Variants in GLP1R observed in about 807,000 individuals in gnomAD.
GLP1R encodes the protein glucagon like peptide 1 receptor, also known as glucagon-like peptide 1 receptor.
GLP1R carries 32 observed loss-of-function variants against 68.4 expected under a neutral mutation model. The observed-to-expected ratio is 0.47, with a 90% confidence interval of 0.35 to 0.63. GLP1R has a LOEUF of 0.63. Ranked by LOEUF, GLP1R falls within the 20% of genes least tolerant of loss-of-function variation. The pLI, the probability that GLP1R is intolerant of heterozygous loss-of-function variation, is 0.00. For missense variants in GLP1R, 502 were observed against 594.9 expected, an observed-to-expected ratio of 0.84 and a Z score of 1.62; for synonymous variants, 263 against 244.4, an observed-to-expected ratio of 1.08 and a Z score of -0.71.
At chr6:39,050,437 C>A (rs142803661) in intron 1 of GLP1R, among the ~76,000 whole-genome samples, 1 of 152,156 alleles carries the variant, frequency 6.6e-6, no homozygotes, top group African/African-American at 2.4e-5. Context: ...TTCCCAGAGG[C>A]CTTATTCCCA....
Position 39,066,225 on chromosome 6 carries a change from T to G in GLP1R, c.431T>G (p.Leu144Arg). ...TCCCCGGAGGAGCAGCTCCTGTTCC[T>G]CTACATCATCTACACGGTGGGCTAC... ...RSSPEEQLLFLYIIYTVGYAL... is the reference protein window; with the variant it reads ...RSSPEEQLLFRYIIYTVGYAL... Residue 144 changes from leucine to arginine, a missense_variant, in exon 5 of 13, where the codon CTC becomes CGC. Leu to Arg is a moderately radical substitution (Grantham distance 102). Coordinates refer to ENST00000373256, the MANE Select transcript of GLP1R (RefSeq NM_002062.5). 1 of 1,610,964 alleles carries G rather than the reference T, an allele frequency of 6.2e-7. No homozygotes were observed. Among genetic ancestry groups the G allele is most frequent in the Non-Finnish European group, 8.5e-7 (1 of 1,177,638 alleles).
At position 39,081,875 on chromosome 6, in the gene GLP1R, G is replaced by C. The variant is rs10305503; in HGVS notation, c.1224+1136G>C. Among the ~76,000 whole-genome samples, 488 of 152,270 alleles carry C rather than the reference G, an allele frequency of 3.2e-3. 3 individuals carry two copies. The highest frequency in any genetic ancestry group is 0.011 in the African/African-American group (457 of 41,544). Reference sequence around the variant, plus strand: ...TTACAAAGTGGGGATAATCCTGTGAGGATTAAGAAAGTCTGAAAAAGGTGC... The same window carrying C: ...TTACAAAGTGGGGATAATCCTGTGACGATTAAGAAAGTCTGAAAAAGGTGC... On this transcript the variant is annotated intron_variant, in intron 12 of 12. Coordinates refer to ENST00000373256, the MANE Select transcript of GLP1R (RefSeq NM_002062.5).
Position 39,066,283 on chromosome 6 carries a change from T to C in GLP1R, c.489T>C (p.Ser163=). The C allele has an allele frequency of 6.2e-7, 1 of 1,607,596 alleles. No individual in the cohort carries two copies. The highest frequency in any genetic ancestry group is 8.5e-7 in the Non-Finnish European group (1 of 1,174,084). ...ALSFSALVIA[S]AILLGFRHLH... is the part of the protein sequence containing the mutation. ...CCTTCTCTGCTCTGGTTATCGCCTC[T>C]GCGATCCTCCTCGGCTTCAGGTAAG... The change falls in exon 5 of 13, where the codon TCT becomes TCC. Residue 163 remains serine (S), a synonymous_variant. Transcript: ENST00000373256.
At chr6:39,069,217 G>A (rs1290683021) in intron 5 of GLP1R, among the ~76,000 whole-genome samples, 3 of 152,152 alleles carry the variant, frequency 2.0e-5, no homozygotes, top group Non-Finnish European at 4.4e-5. Flanking sequence ...CAAAAAGATG[G>A]CATTTCCTCT....
chr6:39,048,905 G>A lies in GLP1R; in HGVS notation c.65G>A (p.Gly22Asp), dbSNP rs762655612. 4 of 1,409,044 alleles carry A rather than the reference G, an allele frequency of 2.8e-6. No individual in the cohort carries two copies. The highest frequency in any genetic ancestry group is 3.0e-5 in the African/African-American group (2 of 66,444). The allele number at this position is 1,409,044 out of a possible 1,614,324, so 87.3% of individuals were successfully genotyped here. A position where few individuals can be genotyped will look rare whatever the true frequency, so the allele number is the denominator to read the frequency against. The change falls in exon 1 of 13, where the codon GGC becomes GAC. Residue 22 changes from glycine to aspartate, a missense_variant. By Grantham distance (94) the Gly-to-Asp change is moderately conservative. Coordinates refer to ENST00000373256, the MANE Select transcript of GLP1R (RefSeq NM_002062.5). ...LLLLGMVGRA[G>D]PRPQGATVSL... ...CTGCTCGGGATGGTGGGCAGGGCCG[G>A]CCCCCGCCCCCAGGTGAGATCCAGG...
At chr6:39,060,947 G>A (rs2150824518) in intron 3 of GLP1R, among the ~76,000 whole-genome samples, 1 of 152,330 alleles carries the variant, frequency 6.6e-6, no homozygotes, top group African/African-American at 2.4e-5. Context: ...GGAGGCCAGA[G>A]CCACCCCTTC....
chr6:39,053,108 GC>G (rs1768124777), intron 1 of GLP1R, among the ~76,000 whole-genome samples: 1 of 152,158 alleles, frequency 6.6e-6, no homozygotes, highest in Non-Finnish European at 1.5e-5. Flanking sequence ...CTGCCATCCT[GC>G]CCTTCCCATG....
Position 39,068,679 on chromosome 6 carries a change from G to T in GLP1R, c.509+2376G>T, listed in dbSNP as rs13216992. On this transcript the variant is annotated intron_variant, in intron 5 of 12. Coordinates refer to ENST00000373256, the MANE Select transcript of GLP1R (RefSeq NM_002062.5). ...CAGAGGGACGGCCTGAGTTATACCTGGGCCCACTTGAGCCGCAGCTAGGGT... is the reference window on the plus strand; with the variant it reads ...CAGAGGGACGGCCTGAGTTATACCTTGGCCCACTTGAGCCGCAGCTAGGGT... 7.7e-3 allele frequency among the ~76,000 whole-genome samples: 1,170 copies of T among 152,224 alleles called. 21 individuals carry two copies. Among genetic ancestry groups the T allele is most frequent in the African/African-American group, 0.026 (1,099 of 41,534 alleles).
chr6:39,056,371 G>C, intron 1 of GLP1R, 26 bp from the exon 2 acceptor site: 2 of 1,239,074 alleles, frequency 1.6e-6, no homozygotes, highest in Non-Finnish European at 2.4e-6. Flanking sequence ...GAACCCACAG[G>C]CCTCCCATAT....
Position 39,086,578 on chromosome 6 carries a change from T to A in GLP1R, c.*505T>A, listed in dbSNP as rs199716797. ...TTGGGGTCACCACCCTCCCCTGTCTTCTCTCAAAGGGAAGCTGTTTGTGTG... is the reference window on the plus strand; with the variant it reads ...TTGGGGTCACCACCCTCCCCTGTCTACTCTCAAAGGGAAGCTGTTTGTGTG... On this transcript the variant is annotated 3_prime_UTR_variant, in exon 13 of 13. Transcript: ENST00000373256. The surrounding 1 kb of genome is among the most constrained non-coding windows in gnomAD (Gnocchi z 4.5). 16 of 153,218 alleles carry A rather than the reference T, an allele frequency of 1.0e-4. No homozygotes were observed. The highest frequency in any genetic ancestry group is 3.8e-4 in the African/African-American group (16 of 41,588). 9.5% of individuals were successfully genotyped at this position (153,218 alleles called of 1,614,324 possible). A position where few individuals can be genotyped will look rare whatever the true frequency, so the allele number is the denominator to read the frequency against.
intron 1 of GLP1R, among the ~76,000 whole-genome samples, chr6:39,052,289 C>T (rs1768106288): frequency 6.6e-6 from 1 of 151,654 alleles, no homozygotes; most frequent in South Asian, 2.1e-4. Context: ...GAAAGAAAAA[C>T]AAGGGGCGGT....
intron 12 of GLP1R, 96 bp from the exon 13 acceptor site, chr6:39,085,810 G>T: frequency 8.9e-7 from 1 of 1,125,740 alleles, no homozygotes; most frequent in South Asian, 1.4e-5. Context: ...ATAATGCAGT[G>T]GATTTCTTCC....
rs759058979 is a variant in GLP1R at position 39,078,532 on chromosome 6, TCCCTGC to T, written c.884+174_884+179del. 4.1e-4 allele frequency: 274 copies of T among 674,926 alleles called. 2 individuals carry two copies. Among genetic ancestry groups the T allele is most frequent in the South Asian group, 2.5e-3 (148 of 59,820 alleles). 41.8% of individuals were successfully genotyped at this position (674,926 alleles called of 1,614,324 possible). ...GTGAATTTAGTTCTCTAATCTCCCC[TCCCTGC>T]CCCTGCCCCTGCCCCTGCCCCTGTC... On this transcript the variant is annotated intron_variant, in intron 8 of 12. Transcript: ENST00000373256.
intron 2 of GLP1R, among the ~76,000 whole-genome samples, chr6:39,057,022 G>C (rs1768229907): frequency 6.6e-6 from 1 of 152,200 alleles, no homozygotes; most frequent in African/African-American, 2.4e-5. Context: ...CTGGGCCTAG[G>C]TTGAAATCCT....
At chr6:39,052,541 T>C (rs1050266494) in intron 1 of GLP1R, among the ~76,000 whole-genome samples, 3 of 152,190 alleles carry the variant, frequency 2.0e-5, no homozygotes, top group Non-Finnish European at 2.9e-5. Context: ...AAAGAAAGAA[T>C]CTGATACACT....
intron 1 of GLP1R, among the ~76,000 whole-genome samples, chr6:39,055,912 T>TGG (rs3839539): frequency 1.3e-5 from 2 of 152,020 alleles, no homozygotes; most frequent in Admixed American, 6.5e-5. Context: ...CTCTGCTTCC[T>TGG]GGGGGGGCTG....
chr6:39,086,038 A>G lies in GLP1R; in HGVS notation c.1357A>G (p.Met453Val). The change falls in exon 13 of 13, where the codon ATG (methionine) becomes GTG (valine). Residue 453 changes from methionine to valine, a missense_variant. Coordinates refer to ENST00000373256, the MANE Select transcript of GLP1R (RefSeq NM_002062.5). The surrounding 1 kb of genome is among the most constrained non-coding windows in gnomAD (Gnocchi z 4.5). ...LSSGATAGSSMYTATCQASCS is the reference protein window; with the variant it reads ...LSSGATAGSSVYTATCQASCS ...CAGTGGAGCCACGGCGGGCAGCAGC[A>G]TGTACACAGCCACTTGCCAGGCCTC... The G allele has an allele frequency of 6.2e-7, 1 of 1,614,008 alleles. No individual in the cohort carries two copies. Among genetic ancestry groups the G allele is most frequent in the East Asian group, 2.2e-5 (1 of 44,866 alleles).
intron 5 of GLP1R, among the ~76,000 whole-genome samples, chr6:39,067,313 A>C (rs546472089): frequency 6.6e-6 from 1 of 152,366 alleles, no homozygotes; most frequent in East Asian, 1.9e-4. Flanking sequence ...GCTATAGCAA[A>C]ATACCTTAGA....
In GLP1R at chr6:39,075,404, A is replaced by G. The variant is rs1338641362; in HGVS notation, c.823+1635A>G. ...GCTGTTAGTGCCTGTCACCATGGCG[A>G]CCCGAGGGCAGGAACAATCAAGGGA... On this transcript the variant is annotated intron_variant, in intron 7 of 12. Coordinates refer to ENST00000373256, the MANE Select transcript of GLP1R (RefSeq NM_002062.5). Among the ~76,000 whole-genome samples, 7 of 152,092 alleles carry G rather than the reference A, an allele frequency of 4.6e-5. No individual in the cohort carries two copies. In the East Asian group the frequency reaches 1.4e-3, roughly 29 times the overall value.
Sources: gnomAD v4.1 joint callset for allele counts (sites outside exome capture counted in the v4.1 genomes callset) on GRCh38, gnomAD v4.1.1 for gene constraint, Gnocchi (gnomAD v3.1) non-coding constraint, MANE v1.5 for transcripts, NCBI Gene and HGNC (gene_info 2026-07-23, HGNC 2026-07-21) for gene names.